The following ITGA8 variants were observed in gnomAD, a reference collection of about 807,000 sequenced individuals.
The protein encoded by ITGA8 is integrin subunit alpha 8.
A neutral mutation model predicts 142.3 loss-of-function variants in ITGA8; 91 were observed. The observed-to-expected ratio is 0.64, with a 90% CI of 0.54 to 0.76. ITGA8 has a LOEUF of 0.76. ITGA8 is among the 30% of genes least tolerant of loss of function. The pLI is 0.00. For missense variants in ITGA8, 1,406 were observed against 1,327.7 expected, an observed-to-expected ratio of 1.06 and a Z score of -0.92; for synonymous variants, 505 against 485.2, an observed-to-expected ratio of 1.04 and a Z score of -0.54.
chr10:15,573,145 A>G (rs1408841403), intron 24 of ITGA8, among the ~76,000 whole-genome samples: 1 of 152,096 alleles, frequency 6.6e-6, no homozygotes, highest in Non-Finnish European at 1.5e-5. Flanking sequence ...TGCTTATTAG[A>G]TGGCCTATTT....
At chr10:15,644,890 G>A (rs942060572) in intron 12 of ITGA8, among the ~76,000 whole-genome samples, 7 of 151,458 alleles carry the variant, frequency 4.6e-5, no homozygotes, top group Admixed American at 6.6e-5. Flanking sequence ...TCAGGAGATC[G>A]AGACCATCCT....
intron 28 of ITGA8, among the ~76,000 whole-genome samples, chr10:15,530,848 G>T (rs1416161035): frequency 1.3e-5 from 2 of 152,052 alleles, no homozygotes; most frequent in Non-Finnish European, 2.9e-5. Flanking sequence ...AATTTTCTGG[G>T]GTAGACATTT....
At chr10:15,583,949 T>C (rs893028141) in intron 23 of ITGA8, among the ~76,000 whole-genome samples, 1 of 152,168 alleles carries the variant, frequency 6.6e-6, no homozygotes, top group African/African-American at 2.4e-5. Context: ...AACTCTAGAA[T>C]AGAAAAGAAT....
chr10:15,678,515 C>A (rs1488644870), intron 5 of ITGA8, among the ~76,000 whole-genome samples: 2 of 152,016 alleles, frequency 1.3e-5, no homozygotes, highest in Non-Finnish European at 2.9e-5. Flanking sequence ...ATTTAATAGG[C>A]CGCTATGTGC....
chr10:15,638,477 A>G (rs1229970715), intron 13 of ITGA8, among the ~76,000 whole-genome samples: 5 of 152,240 alleles, frequency 3.3e-5, no homozygotes, highest in Non-Finnish European at 5.9e-5. Context: ...TCAGACAGTG[A>G]AAACCAGGGG....
intron 23 of ITGA8, among the ~76,000 whole-genome samples, chr10:15,577,184 A>G (rs1211000251): frequency 5.3e-5 from 8 of 152,200 alleles, no homozygotes; most frequent in Non-Finnish European, 1.5e-5. Context: ...GAACAAACAT[A>G]GCACAGAAGC....
intron 8 of ITGA8, 80 bp from the exon 9 acceptor site, chr10:15,661,002 G>A (rs1467336100): frequency 7.9e-7 from 1 of 1,269,530 alleles, no homozygotes; most frequent in Non-Finnish European, 1.1e-6. Flanking sequence ...ACTAAAAGTG[G>A]TAAAGACAGT....
chr10:15,692,332 A>G (rs994238077), intron 2 of ITGA8, among the ~76,000 whole-genome samples: 3 of 152,214 alleles, frequency 2.0e-5, no homozygotes, highest in African/African-American at 4.8e-5. Flanking sequence ...CTCCCATTAG[A>G]TAAATATGAC....
intron 2 of ITGA8, among the ~76,000 whole-genome samples, chr10:15,688,323 A>T (rs1170957062): frequency 5.4e-5 from 8 of 147,682 alleles, no homozygotes; most frequent in African/African-American, 1.5e-4. Context: ...AAAAAAAAAA[A>T]TGCTGGGCGT....
intron 26 of ITGA8, 105 bp downstream of exon 26, chr10:15,557,969 C>A: frequency 1.4e-6 from 2 of 1,399,214 alleles, no homozygotes; most frequent in Non-Finnish European, 2.0e-6. Context: ...TATCTGAGCA[C>A]TGAAGGAGAC....
At chr10:15,694,472 T>A (rs558424500) in intron 2 of ITGA8, among the ~76,000 whole-genome samples, 2 of 136,592 alleles carry the variant, frequency 1.5e-5, no homozygotes, top group African/African-American at 5.3e-5. Context: ...ACATCTATTA[T>A]ATATAAAATA....
Position 15,647,181 on chromosome 10 carries a change from C to G in ITGA8, c.1002-130G>C, listed in dbSNP as rs778070561. The G allele has an allele frequency of 1.5e-5, 10 of 679,176 alleles. No individual in the cohort carries two copies. In the East Asian group the frequency reaches 1.6e-4, roughly 11 times the overall value. 42.1% of individuals were successfully genotyped at this position (679,176 alleles called of 1,614,324 possible). On this transcript the variant is annotated intron_variant, in intron 11 of 29. Transcript: ENST00000378076. ...TTTCTGAGGGTTATTTTACAATCAT[C>G]AGATTGCTTTCGCTGCTTTGTTATA...
chr10:15,679,956 C>A (rs1230709030), intron 4 of ITGA8, among the ~76,000 whole-genome samples: 1 of 152,140 alleles, frequency 6.6e-6, no homozygotes, highest in Non-Finnish European at 1.5e-5. Context: ...CTCAATCCTG[C>A]ATAGTTAGAT....
intron 3 of ITGA8, among the ~76,000 whole-genome samples, chr10:15,684,900 G>A (rs930850001): frequency 2.6e-5 from 4 of 152,164 alleles, no homozygotes; most frequent in African/African-American, 9.7e-5. Context: ...AAACAAGCTA[G>A]TAAACCTCTG....
chr10:15,685,776 C>T (rs776991919), intron 3 of ITGA8, among the ~76,000 whole-genome samples: 9 of 152,028 alleles, frequency 5.9e-5, no homozygotes, highest in East Asian at 5.8e-4. Flanking sequence ...GAAACATTAT[C>T]GGCAAAAATA....
At chr10:15,693,916 T>C (rs914452646) in intron 2 of ITGA8, among the ~76,000 whole-genome samples, 2 of 151,906 alleles carry the variant, frequency 1.3e-5, no homozygotes, top group Admixed American at 1.3e-4. Flanking sequence ...CTTAAGATAG[T>C]TGAAGACAGC....
At chr10:15,594,306 T>C (rs1288720364) in intron 21 of ITGA8, among the ~76,000 whole-genome samples, 1 of 152,108 alleles carries the variant, frequency 6.6e-6, no homozygotes, top group East Asian at 1.9e-4. Flanking sequence ...TCTGATTCTA[T>C]GGGCTGGGCC....
Position 15,607,800 on chromosome 10 carries a change from C to T in ITGA8, c.1641G>A (p.Leu547=), listed in dbSNP as rs1231294144. The stretch of plus-strand genomic sequence containing the variant: ...TCCGTTTAATAGCTCCTTTCTGTTT[C>T]AGGGAATCTAATTGCACCTCTGCCA... The part of the protein sequence containing the change: ...VLMAEVQLDS[L]KQKGAIKRTL... Residue 547 remains leucine, a synonymous_variant, in exon 17 of 30, where the codon CTG becomes CTA. Transcript: ENST00000378076. The T allele has an allele frequency of 6.2e-7, 1 of 1,611,906 alleles. No homozygotes were observed. The highest frequency in any genetic ancestry group is 1.3e-5 in the African/African-American group (1 of 74,346).
chr10:15,574,688 C>A (rs940850066), intron 24 of ITGA8, among the ~76,000 whole-genome samples: 1 of 148,580 alleles, frequency 6.7e-6, no homozygotes, highest in East Asian at 2.0e-4. Flanking sequence ...CACACCCGGG[C>A]GCTTTTATAT....
Sources: gnomAD v4.1 joint callset for allele counts (sites outside exome capture counted in the v4.1 genomes callset) on GRCh38, gnomAD v4.1.1 for gene constraint, MANE v1.5 for transcripts, NCBI Gene and HGNC (gene_info 2026-07-23, HGNC 2026-07-21) for gene names.